SMARCA2: variants seen among roughly 807,000 people sequenced by gnomAD.
SMARCA2 encodes the protein SWI/SNF related BAF chromatin remodeling complex subunit ATPase 2, also known as SWI/SNF-related matrix-associated actin-dependent regulator of chromatin subfamily A member 2.
SMARCA2 carries 61 observed loss-of-function variants against 199.8 expected under a neutral mutation model. The ratio of observed to expected loss-of-function variants is 0.31; its 90% CI spans 0.25 to 0.38. The LOEUF is 0.38. Ranked by LOEUF, SMARCA2 falls within the 10% of genes least tolerant of loss-of-function variation. SMARCA2 has a pLI of 1.00. For missense variants in SMARCA2, 1,344 were observed against 2,012.2 expected, an observed-to-expected ratio of 0.67 and a Z score of 6.35; for synonymous variants, 935 against 732.0, an observed-to-expected ratio of 1.28 and a Z score of -4.48.
chr9:2,078,546 C>G (rs1563753549), intron 14 of SMARCA2, among the ~76,000 whole-genome samples: 1 of 152,030 alleles, frequency 6.6e-6, no homozygotes, highest in South Asian at 2.1e-4. Flanking sequence ...TTTATTTGAC[C>G]TGTCTGGATT....
intron 2 of SMARCA2, 31 bp downstream of exon 2, chr9:2,029,278 C>A (rs1267178506): frequency 6.3e-7 from 1 of 1,585,494 alleles, no homozygotes; most frequent in Non-Finnish European, 8.6e-7. Flanking sequence ...TCAAACTCAA[C>A]TTCTGATAAG....
intron 14 of SMARCA2, among the ~76,000 whole-genome samples, chr9:2,078,296 A>G (rs1476867602): frequency 6.6e-6 from 1 of 151,936 alleles, no homozygotes; most frequent in Non-Finnish European, 1.5e-5. Context: ...ACATGGTGAA[A>G]CCCTCTCTCT....
chr9:2,049,386 A>G (rs947945327), intron 5 of SMARCA2, among the ~76,000 whole-genome samples: 1 of 152,216 alleles, frequency 6.6e-6, no homozygotes, highest in Non-Finnish European at 1.5e-5. Flanking sequence ...TATTTGGCCT[A>G]TTCCAATGTG....
intron 3 of SMARCA2, among the ~76,000 whole-genome samples, chr9:2,037,933 G>A (rs1563722875): frequency 2.0e-5 from 3 of 152,122 alleles, no homozygotes; most frequent in Admixed American, 6.5e-5. Flanking sequence ...GGAATTCTAT[G>A]GCCAAGCTAT....
At chr9:2,090,250 G>A (rs186594561) in intron 19 of SMARCA2, among the ~76,000 whole-genome samples, 47 of 152,236 alleles carry the variant, frequency 3.1e-4, no homozygotes, top group African/African-American at 1.1e-3. Flanking sequence ...AAATGATCAC[G>A]AGTATGTCTC....
intron 31 of SMARCA2, among the ~76,000 whole-genome samples, chr9:2,182,832 C>T (rs1486351447): frequency 6.6e-6 from 1 of 151,796 alleles, no homozygotes; most frequent in Non-Finnish European, 1.5e-5. Flanking sequence ...GGAGTCTCGC[C>T]CAGGCTGGAG....
At chr9:2,187,677 A>AAAAAAAAATTTTAAATATAATTAAT (rs1827567396) in intron 32 of SMARCA2, among the ~76,000 whole-genome samples, 1 of 148,694 alleles carries the variant, frequency 6.7e-6, no homozygotes, top group African/African-American at 2.6e-5. Flanking sequence ...ACTCTATCTA[A>AAAAAAAAATTTTAAATATAATTAAT]AAAAAAAATT....
At chr9:2,027,129 C>T (rs1045019719) in intron 1 of SMARCA2, among the ~76,000 whole-genome samples, 2 of 152,138 alleles carry the variant, frequency 1.3e-5, no homozygotes, top group Non-Finnish European at 2.9e-5. Context: ...ACACTGATGA[C>T]TCTGTGGTTT....
At chr9:2,149,789 A>C (rs929315945) in intron 27 of SMARCA2, among the ~76,000 whole-genome samples, 1 of 151,600 alleles carries the variant, frequency 6.6e-6, no homozygotes, top group African/African-American at 2.4e-5. Context: ...TTGGATAGCA[A>C]ATTGTCTTTG....
chr9:2,081,795 G>C, intron 14 of SMARCA2, 37 bp from the exon 15 acceptor site: 1 of 1,600,244 alleles, frequency 6.2e-7, no homozygotes. Context: ...TACCTGTGCA[G>C]ATCTTGGATA....
At chr9:2,181,906 A>C (rs906820599) in intron 30 of SMARCA2, among the ~76,000 whole-genome samples, 1 of 152,154 alleles carries the variant, frequency 6.6e-6, no homozygotes, top group African/African-American at 2.4e-5. Context: ...CCCCCTGCCC[A>C]CATTATTGCT....
At chr9:2,025,368 T>A (rs1818783773) in intron 1 of SMARCA2, among the ~76,000 whole-genome samples, 1 of 152,196 alleles carries the variant, frequency 6.6e-6, no homozygotes, top group Admixed American at 6.5e-5. Context: ...TTTGTCATTA[T>A]GTTTTTAGCC....
chr9:2,024,484 C>T (rs955282934), intron 1 of SMARCA2, among the ~76,000 whole-genome samples: 5 of 152,132 alleles, frequency 3.3e-5, no homozygotes, highest in African/African-American at 9.7e-5. Flanking sequence ...AGTAGATACT[C>T]GGTATGGTAA....
Position 2,081,906 on chromosome 9 carries a change from T to C in SMARCA2, c.2259T>C (p.Leu753=). ...LNGILADEMG[L]GKTIQTIALI... The stretch of plus-strand genomic sequence containing the variant: ...GAATCTTAGCCGATGAAATGGGGCT[T>C]GGAAAGACCATACAGACCATTGCAC... The change falls in exon 15 of 34, where the codon CTT becomes CTC. Residue 753 remains leucine, a synonymous_variant. Coordinates refer to ENST00000349721, the MANE Select transcript of SMARCA2 (RefSeq NM_003070.5). 2 of 1,613,986 alleles carry C rather than the reference T, an allele frequency of 1.2e-6. No homozygotes were observed. The highest frequency in any genetic ancestry group is 1.7e-6 in the Non-Finnish European group (2 of 1,179,882).
chr9:2,151,481 C>G (rs1178881013), intron 27 of SMARCA2, among the ~76,000 whole-genome samples: 1 of 146,896 alleles, frequency 6.8e-6, no homozygotes, highest in African/African-American at 2.4e-5. Flanking sequence ...CCTGTAATCC[C>G]AACACTTTGG....
chr9:2,061,151 T>G (rs944483448), intron 9 of SMARCA2, 165 bp downstream of exon 9: 3 of 626,834 alleles, frequency 4.8e-6, no homozygotes, highest in Non-Finnish European at 8.1e-6. Context: ...GTTGATTAGG[T>G]ACACTAGACA....
intron 6 of SMARCA2, among the ~76,000 whole-genome samples, chr9:2,055,050 C>G (rs1820291666): frequency 1.3e-5 from 2 of 152,094 alleles, no homozygotes; most frequent in African/African-American, 4.8e-5. Context: ...TTTTATGACT[C>G]CAAGGAAAAA....
At chr9:2,137,831 G>A (rs1365840315) in intron 27 of SMARCA2, among the ~76,000 whole-genome samples, 2 of 152,170 alleles carry the variant, frequency 1.3e-5, no homozygotes, top group Admixed American at 6.5e-5. Flanking sequence ...GGATTTGGTT[G>A]CAGCCCCATA....
intron 27 of SMARCA2, among the ~76,000 whole-genome samples, chr9:2,148,672 C>G (rs1280420654): frequency 6.6e-6 from 1 of 151,208 alleles, no homozygotes; most frequent in Non-Finnish European, 1.5e-5. Context: ...CCACACCCAA[C>G]TAATTTTTTT....
Sources: allele counts gnomAD v4.1 joint callset (sites outside exome capture counted in the v4.1 genomes callset), GRCh38; gene constraint gnomAD v4.1.1; transcripts MANE v1.5; gene names NCBI Gene and HGNC (gene_info 2026-07-23, HGNC 2026-07-21).